RNF17: variants seen among roughly 807,000 people sequenced by gnomAD.
The protein encoded by RNF17 is ring finger protein 17.
In RNF17, 31 loss-of-function variants were observed where a neutral mutation model predicts 200.5. The ratio of observed to expected loss-of-function variants is 0.15; its 90% CI spans 0.12 to 0.21. The LOEUF (loss-of-function observed/expected upper bound fraction) is 0.21, where lower values mean the gene tolerates loss of function less well. Among genes scored for constraint, RNF17 ranks in the 10% least tolerant of loss-of-function variants. The pLI, the probability that RNF17 is intolerant of heterozygous loss-of-function variation, is 1.00. For synonymous variants in RNF17, 606 were observed against 637.8 expected (o/e 0.95, Z 0.75); for missense variants, 1,628 against 1,905.1 (o/e 0.85, Z 2.71).
In RNF17 at chr13:24,767,230, C is replaced by CATT. The variant is rs775124744; in HGVS notation, c.131-40_131-39insTAT. 14 of 1,322,760 alleles carry CATT rather than the reference C, an allele frequency of 1.1e-5. No individual in the cohort carries two copies. In the South Asian group the frequency reaches 1.7e-4, roughly 16 times the overall value. The allele number at this position is 1,322,760 out of a possible 1,614,324, so 81.9% of individuals were successfully genotyped here. A position where few individuals can be genotyped will look rare whatever the true frequency, so the allele number is the denominator to read the frequency against. On this transcript the variant is annotated intron_variant, in intron 1 of 35. Transcript: ENST00000255324. ...CAGAGCAAGACCCTGTCTCAATAAT[C>CATT]ATCATCATCATCAAAATAATAATTA...
chr13:24,848,957 A>G (rs1307857001), intron 22 of RNF17, among the ~76,000 whole-genome samples: 1 of 152,206 alleles, frequency 6.6e-6, no homozygotes, highest in East Asian at 1.9e-4. Context: ...CATTTACGAA[A>G]TCCTGTTTGG....
At chr13:24,866,527 C>G (rs531900926) in intron 30 of RNF17, among the ~76,000 whole-genome samples, 1 of 152,194 alleles carries the variant, frequency 6.6e-6, no homozygotes, top group East Asian at 1.9e-4. Context: ...TGGAATCATA[C>G]ACTATGTGGT....
rs544020040 is a variant in RNF17, at chr13:24,808,769, T to C, written c.2091+4340T>C. On this transcript the variant is annotated intron_variant, in intron 15 of 35. Coordinates refer to ENST00000255324, the MANE Select transcript of RNF17 (RefSeq NM_031277.3). ...CAGTTTTTGCCCATTCAGTATGATA[T>C]TGGCTGTGGGTTTGTCATAGATAGC... is the stretch of plus-strand genomic sequence containing the variant. 2.8e-3 allele frequency among the ~76,000 whole-genome samples: 257 copies of C among 92,992 alleles called. 1 individual carries two copies. Among genetic ancestry groups the C allele is most frequent in the Admixed American group, 5.3e-3 (42 of 7,864 alleles). The allele number at this position is 92,992 out of a possible 152,430, so 61.0% of individuals were successfully genotyped here.
intron 24 of RNF17, among the ~76,000 whole-genome samples, chr13:24,853,443 G>A (rs1441995743): frequency 6.6e-6 from 1 of 152,076 alleles, no homozygotes; most frequent in Non-Finnish European, 1.5e-5. Flanking sequence ...TATACGGATA[G>A]TACCTTATTG....
intron 6 of RNF17, among the ~76,000 whole-genome samples, chr13:24,784,800 G>C (rs1275591139): frequency 6.6e-6 from 1 of 151,942 alleles, no homozygotes; most frequent in Non-Finnish European, 1.5e-5. Context: ...TCTGTATCCC[G>C]GGTTCAAGTG....
intron 17 of RNF17, 83 bp downstream of exon 17, chr13:24,830,682 A>G (rs1002179868): frequency 1.0e-5 from 10 of 967,852 alleles, no homozygotes; most frequent in African/African-American, 1.6e-5. Flanking sequence ...CATCATAGAA[A>G]TGTTAGTGTC....
intron 10 of RNF17, among the ~76,000 whole-genome samples, chr13:24,793,753 T>G (rs1884186412): frequency 6.6e-6 from 1 of 152,148 alleles, no homozygotes; most frequent in South Asian, 2.1e-4. Flanking sequence ...GATTACAATG[T>G]TATCTATTTT....
chr13:24,863,872 G>A (rs1449701740), intron 28 of RNF17, among the ~76,000 whole-genome samples: 2 of 152,212 alleles, frequency 1.3e-5, no homozygotes, highest in Admixed American at 6.5e-5. Context: ...GCCTTGCCCA[G>A]ACTCACTCCT....
At chr13:24,768,526 C>T (rs865845224) in intron 2 of RNF17, among the ~76,000 whole-genome samples, 2 of 152,038 alleles carry the variant, frequency 1.3e-5, no homozygotes, top group African/African-American at 2.4e-5. Context: ...CCTCGTGATC[C>T]GCCCACCTCG....
intron 15 of RNF17, among the ~76,000 whole-genome samples, chr13:24,823,485 T>G (rs1888299609): frequency 6.7e-6 from 1 of 149,622 alleles, no homozygotes; most frequent in Non-Finnish European, 1.5e-5. Context: ...TTCTTTGGCT[T>G]GTACTCAGCT....
upstream of RNF17, among the ~76,000 whole-genome samples, chr13:24,763,587 G>A (rs1355096182): frequency 6.6e-6 from 1 of 151,940 alleles, no homozygotes; most frequent in African/African-American, 2.4e-5. Context: ...AAGTTACTGG[G>A]TTTTTTTAAG....
At chr13:24,772,892 TGAG>T (rs1017892641) in intron 2 of RNF17, among the ~76,000 whole-genome samples, 2 of 152,162 alleles carry the variant, frequency 1.3e-5, no homozygotes, top group African/African-American at 4.8e-5. Context: ...ATTACAGGCG[TGAG>T]CCACCGCCCC....
intron 18 of RNF17, among the ~76,000 whole-genome samples, chr13:24,839,908 T>G (rs1313787851): frequency 6.6e-6 from 1 of 152,172 alleles, no homozygotes; most frequent in Non-Finnish European, 1.5e-5. Flanking sequence ...AAAGAGCTTT[T>G]GCATGGCAAA....
At chr13:24,847,368 C>T (rs1324585118) in intron 22 of RNF17, among the ~76,000 whole-genome samples, 2 of 145,206 alleles carry the variant, frequency 1.4e-5, no homozygotes, top group African/African-American at 5.1e-5. Context: ...TTTTTTGAGA[C>T]AGAGTCTCCC....
rs903654217 is a variant in RNF17, at chr13:24,862,343, C to T, written c.3895-370C>T. Among the ~76,000 whole-genome samples the T allele has an allele frequency of 3.9e-5, 6 of 152,296 alleles. No individual in the cohort carries two copies. In the South Asian group the frequency reaches 6.2e-4, roughly 16 times the overall value. ...ATGTGAACCTCTCAACGCATAAAGA[C>T]GCAACAACCGCTATTCCTTAATGAA... On this transcript the variant is annotated intron_variant, in intron 27 of 35. Transcript: ENST00000255324.
intron 16 of RNF17, among the ~76,000 whole-genome samples, chr13:24,829,142 A>G (rs1428891651): frequency 6.6e-6 from 1 of 151,848 alleles, no homozygotes; most frequent in Non-Finnish European, 1.5e-5. Context: ...CTTACTACAC[A>G]TTTTTTATTC....
At chr13:24,850,247 A>C (rs138661167) in intron 22 of RNF17, 94 bp from the exon 23 acceptor site, 2 of 686,484 alleles carry the variant, frequency 2.9e-6, no homozygotes, top group Non-Finnish European at 4.9e-6. Context: ...GGTTCAAACT[A>C]TGAGTGTATC....
At chr13:24,860,121 G>T (rs1164269655) in intron 26 of RNF17, among the ~76,000 whole-genome samples, 1 of 151,340 alleles carries the variant, frequency 6.6e-6, no homozygotes, top group East Asian at 2.0e-4. Flanking sequence ...AGTTATAGGG[G>T]TTATCTGAGC....
intron 18 of RNF17, among the ~76,000 whole-genome samples, chr13:24,840,084 C>CA (rs1362845225): frequency 6.6e-6 from 1 of 151,882 alleles, no homozygotes; most frequent in East Asian, 1.9e-4. Flanking sequence ...AGACAGTTCT[C>CA]AAAAAAAGAT....
Sources: allele counts gnomAD v4.1 joint callset (sites outside exome capture counted in the v4.1 genomes callset), GRCh38; gene constraint gnomAD v4.1.1; transcripts MANE v1.5; gene names NCBI Gene and HGNC (gene_info 2026-07-23, HGNC 2026-07-21).